Variants in HRH2 observed in about 807,000 individuals in gnomAD.
The protein encoded by HRH2 is histamine H2 receptor.
In HRH2, 4 loss-of-function variants were observed where a neutral mutation model predicts 20.1. The ratio of observed to expected loss-of-function variants is 0.20; its 90% CI spans 0.10 to 0.45. HRH2 has a LOEUF of 0.45. HRH2 is among the 20% of genes least tolerant of loss of function. The pLI is 0.99. For synonymous variants in HRH2, 197 were observed against 200.7 expected (o/e 0.98, Z 0.16); for missense variants, 250 against 461.6 (o/e 0.54, Z 4.20).
intron 2 of HRH2, among the ~76,000 whole-genome samples, chr5:175,705,113 C>T (rs542193597): frequency 6.6e-6 from 1 of 152,102 alleles, no homozygotes; most frequent in Non-Finnish European, 1.5e-5. Flanking sequence ...AGATGTTTCT[C>T]CTTGCCAAAT....
At chr5:175,695,206 C>T (rs79827941) in intron 2 of HRH2, among the ~76,000 whole-genome samples, 1,984 of 152,188 alleles carry the variant, frequency 0.013, 45 homozygotes, top group African/African-American at 0.044. Context: ...GACTGCTGAC[C>T]ATCGCCGCCC....
At chr5:175,702,464 G>T (rs1756815123) in intron 2 of HRH2, among the ~76,000 whole-genome samples, 1 of 147,930 alleles carries the variant, frequency 6.8e-6, no homozygotes, top group Non-Finnish European at 1.5e-5. Context: ...ATTTTTGAAA[G>T]CATAGGAAGG....
intron 2 of HRH2, among the ~76,000 whole-genome samples, chr5:175,704,423 C>T (rs1756879928): frequency 6.6e-6 from 1 of 151,984 alleles, no homozygotes; most frequent in East Asian, 1.9e-4. Context: ...AAAAAAAACA[C>T]TGAGTAAGTT....
chr5:175,698,097 T>G (rs543295147), intron 2 of HRH2, among the ~76,000 whole-genome samples: 4 of 152,378 alleles, frequency 2.6e-5, no homozygotes, highest in African/African-American at 7.2e-5. Context: ...TGCCCCTGTG[T>G]GTAGTTTACA....
Position 175,686,713 on chromosome 5 carries a change from G to A in HRH2, c.1076+2404G>A, listed in dbSNP as rs1470098322. On this transcript the variant is annotated intron_variant, in intron 2 of 2. Transcript: ENST00000636584. The surrounding 1 kb of genome is among the most constrained non-coding windows in gnomAD (Gnocchi z 4.7). Reference sequence around the variant, plus strand: ...GAAAGACCCTTTCATCCAAGGCAGGGCTGGACCCTTGAGACTCAGGGCCTC... The same window carrying A: ...GAAAGACCCTTTCATCCAAGGCAGGACTGGACCCTTGAGACTCAGGGCCTC... Among the ~76,000 whole-genome samples, 1 of 152,220 alleles carries A rather than the reference G, an allele frequency of 6.6e-6. No individual in the cohort carries two copies. The highest frequency in any genetic ancestry group is 3.2e-3 in the Middle Eastern group (1 of 316).
rs778509797 is a variant in HRH2, at chr5:175,702,718, A to ATT, written c.1077-5056_1077-5055dup. On this transcript the variant is annotated intron_variant, in intron 2 of 2. Coordinates refer to ENST00000636584, the MANE Select transcript of HRH2 (RefSeq NM_001367711.1). ...AGGCACCCGCCACCACGCCTGGCTA[A>ATT]TTTTTTCTTTTTTTTTTTTTTTTGT... Among the ~76,000 whole-genome samples the ATT allele has an allele frequency of 9.3e-4, 130 of 139,776 alleles. 6 individuals carry two copies. Among genetic ancestry groups the ATT allele is most frequent in the African/African-American group, 3.6e-3 (125 of 34,428 alleles). The allele number at this position is 139,776 out of a possible 152,430, so 91.7% of individuals were successfully genotyped here.
In HRH2 at chr5:175,672,704, G is replaced by A. The variant is rs915636137; in HGVS notation, c.-525-10005G>A. The stretch of plus-strand genomic sequence containing the variant: ...AAGGTGGAGTGGATCCTGGACCCTG[G>A]ATCCTGACCCTCGCCAAGCTCTCAT... On this transcript the variant is annotated intron_variant, in intron 1 of 2. Transcript: ENST00000636584. 8.5e-5 allele frequency among the ~76,000 whole-genome samples: 13 copies of A among 152,308 alleles called. No individual in the cohort carries two copies. In the South Asian group the frequency reaches 2.5e-3, roughly 29 times the overall value.
chr5:175,665,309 G>A (rs188383626), intron 1 of HRH2, among the ~76,000 whole-genome samples: 1 of 152,336 alleles, frequency 6.6e-6, no homozygotes, highest in East Asian at 1.9e-4. Context: ...CATTTTCCAG[G>A]TGGCTGGAGA....
At chr5:175,664,304 A>G (rs928992159) in intron 1 of HRH2, among the ~76,000 whole-genome samples, 8 of 152,136 alleles carry the variant, frequency 5.3e-5, no homozygotes, top group Non-Finnish European at 8.8e-5. Context: ...TCACTCACCA[A>G]ATGCTTCCTG....
At position 175,693,986 on chromosome 5, in the gene HRH2, T is replaced by A. The variant is rs1756472947; in HGVS notation, c.1076+9677T>A. On this transcript the variant is annotated intron_variant, in intron 2 of 2. Coordinates refer to ENST00000636584, the MANE Select transcript of HRH2 (RefSeq NM_001367711.1). The surrounding 1 kb of genome is among the most constrained non-coding windows in gnomAD (Gnocchi z 4.4). ...GCTCTGAAGGCTGACCTCCCCAATT[T>A]GCTGGCTGGCTGACCTGGAGCGAGT... Among the ~76,000 whole-genome samples, 1 of 152,172 alleles carries A rather than the reference T, an allele frequency of 6.6e-6. No homozygotes were observed. The highest frequency in any genetic ancestry group is 1.5e-5 in the Non-Finnish European group (1 of 68,036).
intron 1 of HRH2, among the ~76,000 whole-genome samples, chr5:175,678,106 T>A (rs1262336701): frequency 6.6e-6 from 1 of 152,132 alleles, no homozygotes; most frequent in Non-Finnish European, 1.5e-5. Context: ...CTATTTCCCT[T>A]TATATAACTC....
chr5:175,682,981 T>G lies in HRH2; in HGVS notation c.-253T>G. On this transcript the variant is annotated 5_prime_UTR_variant, in exon 2 of 3. Coordinates refer to ENST00000636584, the MANE Select transcript of HRH2 (RefSeq NM_001367711.1). ...TGAACCTGGCTTCGAGGCCTTGCTT[T>G]TCTCTCTTCTTCATTCATATTCATT... 1 of 447,308 alleles carries G rather than the reference T, an allele frequency of 2.2e-6. No individual in the cohort carries two copies. The highest frequency in any genetic ancestry group is 3.9e-6 in the Non-Finnish European group (1 of 254,952). 27.7% of individuals were successfully genotyped at this position (447,308 alleles called of 1,614,324 possible).
chr5:175,695,071 A>G (rs1280686547), intron 2 of HRH2, among the ~76,000 whole-genome samples: 1 of 152,036 alleles, frequency 6.6e-6, no homozygotes, highest in Non-Finnish European at 1.5e-5. Context: ...CAGACAAGCC[A>G]GGGCCAGGAG....
Position 175,675,863 on chromosome 5 carries a change from GAC to G in HRH2, c.-525-6842_-525-6841del, listed in dbSNP as rs779511355. Among the ~76,000 whole-genome samples, 5 of 152,320 alleles carry G rather than the reference GAC, an allele frequency of 3.3e-5. No homozygotes were observed. The East Asian group carries it at 5.8e-4, about 18-fold the overall frequency. On this transcript the variant is annotated intron_variant, in intron 1 of 2. Transcript: ENST00000636584. ...TGGAAAGATTGAAAAGGTCCCAAGA[GAC>G]ACATGGTGAAAAAGAAGCCTTTCTC... is the stretch of plus-strand genomic sequence containing the variant.
At chr5:175,688,084 C>A (rs1756235320) in intron 2 of HRH2, among the ~76,000 whole-genome samples, 1 of 152,142 alleles carries the variant, frequency 6.6e-6, no homozygotes, top group Non-Finnish European at 1.5e-5. Context: ...CTTTTGCTTC[C>A]AAGGTCACGT....
intron 2 of HRH2, among the ~76,000 whole-genome samples, chr5:175,692,995 G>A (rs1045761332): frequency 2.6e-5 from 4 of 152,206 alleles, no homozygotes; most frequent in East Asian, 3.9e-4. Flanking sequence ...GGCATAGGGC[G>A]GGACTGCAGA....
In HRH2 at chr5:175,687,906, A is replaced by G. The variant is rs1227818164; in HGVS notation, c.1076+3597A>G. Among the ~76,000 whole-genome samples the G allele has an allele frequency of 6.6e-6, 1 of 152,198 alleles. No homozygotes were observed. The highest frequency in any genetic ancestry group is 1.5e-5 in the Non-Finnish European group (1 of 68,034). ...CCCCACCAGCCTAGTGGCCAAACAC[A>G]ACACACGTTATTCCGTTGCAGTTCA... On this transcript the variant is annotated intron_variant, in intron 2 of 2. Coordinates refer to ENST00000636584, the MANE Select transcript of HRH2 (RefSeq NM_001367711.1). The surrounding 1 kb of genome is among the most constrained non-coding windows in gnomAD (Gnocchi z 5.2).
At chr5:175,658,394 G>T (rs1049002991) in intron 1 of HRH2, among the ~76,000 whole-genome samples, 4 of 152,314 alleles carry the variant, frequency 2.6e-5, no homozygotes, top group African/African-American at 9.6e-5. Context: ...GACCGCGGGG[G>T]TCGTGCCTTC....
chr5:175,691,046 C>A (rs1411118045), intron 2 of HRH2, among the ~76,000 whole-genome samples: 2 of 152,224 alleles, frequency 1.3e-5, no homozygotes, highest in Admixed American at 1.3e-4. Flanking sequence ...GGCTTTAGGG[C>A]AGCCCATGGC....
Sources: allele counts gnomAD v4.1 joint callset (sites outside exome capture counted in the v4.1 genomes callset), GRCh38; gene constraint gnomAD v4.1.1; non-coding constraint Gnocchi (gnomAD v3.1); transcripts MANE v1.5; gene names NCBI Gene and HGNC (gene_info 2026-07-23, HGNC 2026-07-21).